The following OTOA variants were observed in gnomAD, a reference collection of about 807,000 sequenced individuals.
OTOA encodes the protein otoancorin, also known as cancer/testis antigen 108.
Under a neutral mutation model 110.8 loss-of-function variants are expected in OTOA, and 70 were observed. That is an observed-to-expected ratio of 0.63 (90% CI 0.52 to 0.77). The LOEUF (loss-of-function observed/expected upper bound fraction) is 0.77. Among genes scored for constraint, OTOA ranks in the 30% least tolerant of loss-of-function variants. OTOA has a pLI of 0.00. For synonymous variants in OTOA, 373 were observed against 431.5 expected (o/e 0.86, Z 1.68); for missense variants, 917 against 1,075.8 (o/e 0.85, Z 2.06).
chr16:21,693,787 G>A (rs755962322), intron 9 of OTOA, among the ~76,000 whole-genome samples: 1 of 152,070 alleles, frequency 6.6e-6, no homozygotes, highest in Non-Finnish European at 1.5e-5. Context: ...TGTTGGCCAG[G>A]CTGGTCTCAA....
chr16:21,748,031 T>TTTC lies in OTOA; in HGVS notation c.2775+3007_2775+3009dup, dbSNP rs1481060169. The TTTC allele has an allele frequency of 4.0e-5, 4 of 99,188 alleles. No individual in the cohort carries two copies. In the Admixed American group the frequency reaches 4.7e-4, roughly 12 times the overall value. The allele number at this position is 99,188 out of a possible 1,614,324, so 6.1% of individuals were successfully genotyped here. Reference sequence around the variant, plus strand: ...CCTAGAACCATCATTTTCTTTTCTCTTTCTTCTTCTTCTTTTTTTTTTTTA... The same window carrying TTTC: ...CCTAGAACCATCATTTTCTTTTCTCTTTCTTCTTCTTCTTCTTTTTTTTTTTTA... On this transcript the variant is annotated intron_variant, in intron 24 of 28. Transcript: ENST00000646100.
At position 21,691,621 on chromosome 16, in the gene OTOA, G is replaced by C; in HGVS notation, c.673G>C (p.Ala225Pro). 6.2e-7 allele frequency: 1 copy of C among 1,613,910 alleles called. No individual in the cohort carries two copies. Among genetic ancestry groups the C allele is most frequent in the Non-Finnish European group, 8.5e-7 (1 of 1,179,914 alleles). Residue 225 changes from alanine to proline, a missense_variant, in exon 9 of 29, where the codon GCT (alanine) becomes CCT (proline). Transcript: ENST00000646100. ...CAAAGATCTCTACGACAAAACCTCG[G>C]CTCATTCCCAGAGAGCTCTCTATTC... ...VFKDLYDKTS[A>P]HSQRALYSWM...
At chr16:21,667,662 GT>G (rs1218956427) in intron 1 of OTOA, among the ~76,000 whole-genome samples, 1 of 151,822 alleles carries the variant, frequency 6.6e-6, no homozygotes, top group Non-Finnish European at 1.5e-5. Context: ...AGCTTTTTCA[GT>G]AAGGGAACAT....
At chr16:21,701,334 T>A (rs1164771158) in intron 11 of OTOA, among the ~76,000 whole-genome samples, 1 of 152,222 alleles carries the variant, frequency 6.6e-6, no homozygotes, top group Non-Finnish European at 1.5e-5. Context: ...TACTCAGGAC[T>A]GGGTCCTGTT....
intron 1 of OTOA, among the ~76,000 whole-genome samples, chr16:21,670,409 C>T (rs1966847492): frequency 6.6e-6 from 1 of 152,116 alleles, no homozygotes; most frequent in African/African-American, 2.4e-5. Context: ...TCCCGTGGTT[C>T]ATTCCTTCAC....
rs142163650 is a variant in OTOA, at chr16:21,673,096, C to T, written c.-4-5415C>T. On this transcript the variant is annotated intron_variant, in intron 1 of 28. Coordinates refer to ENST00000646100, the MANE Select transcript of OTOA (RefSeq NM_144672.4). The stretch of plus-strand genomic sequence containing the variant: ...ACAGGAGTTCAAGGCTGCAGTGAGC[C>T]ATGATCATGCCACTGCACTGCAGGC... Among the ~76,000 whole-genome samples the T allele has an allele frequency of 5.7e-3, 867 of 152,246 alleles. 5 individuals are homozygous for T. The highest frequency in any genetic ancestry group is 0.019 in the African/African-American group (793 of 41,544).
intron 9 of OTOA, among the ~76,000 whole-genome samples, chr16:21,695,234 CCCA>C (rs1897908779): frequency 6.9e-6 from 1 of 145,170 alleles, no homozygotes; most frequent in Admixed American, 6.9e-5. Context: ...ACCCCCCCCC[CCCA>C]TACAAAAAAA....
chr16:21,705,695 C>T (rs1401051334), intron 12 of OTOA, among the ~76,000 whole-genome samples: 1 of 152,064 alleles, frequency 6.6e-6, no homozygotes, highest in Non-Finnish European at 1.5e-5. Flanking sequence ...ACCTGTAATC[C>T]CAGCACTTTG....
intron 12 of OTOA, among the ~76,000 whole-genome samples, chr16:21,707,645 CTTTCTTTCTTTCTCTTT>C (rs1567379559): frequency 9.6e-6 from 1 of 104,124 alleles, no homozygotes; most frequent in Non-Finnish European, 2.2e-5. Context: ...TTCTTTCTTT[CTTTCTTTCTTTCTCTTT>C]CTTTCTCTTT....
intron 1 of OTOA, among the ~76,000 whole-genome samples, chr16:21,671,977 T>A (rs1047287777): frequency 9.9e-5 from 15 of 151,956 alleles, no homozygotes; most frequent in African/African-American, 2.7e-4. Flanking sequence ...ACAAAAAAAA[T>A]TTTTCCATCA....
intron 8 of OTOA, among the ~76,000 whole-genome samples, chr16:21,689,063 G>A (rs544643073): frequency 5.9e-5 from 9 of 152,224 alleles, no homozygotes; most frequent in South Asian, 2.1e-4. Context: ...ATGAAATTGC[G>A]CTTTGATGTA....
At chr16:21,684,940 C>T (rs891431384) in intron 6 of OTOA, among the ~76,000 whole-genome samples, 1 of 151,750 alleles carries the variant, frequency 6.6e-6, no homozygotes, top group Admixed American at 6.6e-5. Flanking sequence ...TTAGTAGAGA[C>T]GGGGTTTCAC....
chr16:21,723,260 C>T (rs1156242007), intron 18 of OTOA, among the ~76,000 whole-genome samples: 3 of 152,130 alleles, frequency 2.0e-5, no homozygotes, highest in South Asian at 2.1e-4. Flanking sequence ...CCTGGCTTTG[C>T]GGCTGTGCCA....
chr16:21,690,338 C>G (rs1268024814), intron 8 of OTOA, among the ~76,000 whole-genome samples: 2 of 151,802 alleles, frequency 1.3e-5, no homozygotes, highest in Non-Finnish European at 2.9e-5. Context: ...TAATGCTCTC[C>G]CTCCCCCACC....
chr16:21,686,683 C>T (rs1185881734), intron 7 of OTOA, among the ~76,000 whole-genome samples: 1 of 151,984 alleles, frequency 6.6e-6, no homozygotes, highest in Non-Finnish European at 1.5e-5. Context: ...GGGCAGATTG[C>T]TTGAGCCCAG....
chr16:21,675,930 A>G (rs1966856798), intron 1 of OTOA, among the ~76,000 whole-genome samples: 1 of 151,960 alleles, frequency 6.6e-6, no homozygotes, highest in Non-Finnish European at 1.5e-5. Flanking sequence ...TTATTTATTT[A>G]TTAAAAAATT....
intron 12 of OTOA, among the ~76,000 whole-genome samples, chr16:21,705,812 G>A (rs373140998): frequency 2.6e-5 from 4 of 152,076 alleles, no homozygotes; most frequent in South Asian, 2.1e-4. Context: ...GGTGGCATGC[G>A]CCTGTAATCC....
chr16:21,685,117 AGTT>A (rs1897684627), intron 6 of OTOA, 110 bp from the exon 7 acceptor site: 1 of 1,411,906 alleles, frequency 7.1e-7, no homozygotes, highest in Non-Finnish European at 9.8e-7. Context: ...GCTGGCCACT[AGTT>A]GTGGTCTCTG....
chr16:21,703,555 G>A (rs1352010205), intron 11 of OTOA, among the ~76,000 whole-genome samples: 4 of 152,040 alleles, frequency 2.6e-5, no homozygotes. Context: ...ATGATTCCAT[G>A]TCTTGGCTGT....
Sources: allele counts gnomAD v4.1 joint callset (sites outside exome capture counted in the v4.1 genomes callset), GRCh38; gene constraint gnomAD v4.1.1; transcripts MANE v1.5; gene names NCBI Gene and HGNC (gene_info 2026-07-23, HGNC 2026-07-21).